Variants in DPYS observed in about 807,000 individuals in gnomAD.
The protein encoded by DPYS is dihydropyrimidinase.
DPYS carries 39 observed loss-of-function variants against 50.3 expected under a neutral mutation model. The ratio of observed to expected loss-of-function variants is 0.78; its 90% CI spans 0.60 to 1.01. The LOEUF is 1.01. Ranked by LOEUF, DPYS falls within the 50% of genes least tolerant of loss-of-function variation. DPYS has a pLI of 0.00. For synonymous variants in DPYS, 245 were observed against 250.7 expected (o/e 0.98, Z 0.22); for missense variants, 659 against 680.9 (o/e 0.97, Z 0.36).
At position 104,435,120 on chromosome 8, in the gene DPYS, C is replaced by T. The variant is rs146525784; in HGVS notation, c.794-5419G>A. 2.2e-3 allele frequency among the ~76,000 whole-genome samples: 330 copies of T among 152,236 alleles called. 1 individual carries two copies. Among genetic ancestry groups the T allele is most frequent in the African/African-American group, 7.4e-3 (308 of 41,548 alleles). On this transcript the variant is annotated intron_variant, in intron 4 of 9. Transcript: ENST00000351513. ...ATTTCCTAAAAAGCCATTAATGATC[C>T]CATATGCCAACACTGTGGCAGAAAA... is the stretch of plus-strand genomic sequence containing the variant.
At chr8:104,419,303 C>A (rs1163267262) in intron 7 of DPYS, among the ~76,000 whole-genome samples, 1 of 152,214 alleles carries the variant, frequency 6.6e-6, no homozygotes, top group African/African-American at 2.4e-5. Context: ...TCCTGCCAAT[C>A]TTCCATGCCG....
At chr8:104,405,785 A>T (rs1050083911) in intron 7 of DPYS, among the ~76,000 whole-genome samples, 1 of 152,138 alleles carries the variant, frequency 6.6e-6, no homozygotes, top group African/African-American at 2.4e-5. Flanking sequence ...CTCGAAACTG[A>T]CTCAGCTTCA....
intron 2 of DPYS, among the ~76,000 whole-genome samples, chr8:104,448,204 G>A (rs1171959234): frequency 2.0e-5 from 3 of 149,406 alleles, no homozygotes; most frequent in Non-Finnish European, 4.4e-5. Context: ...TGCCCAGGCT[G>A]GAGTGCAGTG....
intron 4 of DPYS, among the ~76,000 whole-genome samples, chr8:104,429,941 G>A (rs1812895596): frequency 6.6e-6 from 1 of 151,952 alleles, no homozygotes; most frequent in South Asian, 2.1e-4. Flanking sequence ...CATTTTTATG[G>A]CCATATAACC....
intron 7 of DPYS, among the ~76,000 whole-genome samples, chr8:104,407,923 C>A (rs1349030361): frequency 6.6e-6 from 1 of 151,932 alleles, no homozygotes; most frequent in Non-Finnish European, 1.5e-5. Flanking sequence ...GAACTATACA[C>A]AACCCTTTTC....
chr8:104,461,776 G>C (rs935951512), intron 1 of DPYS, among the ~76,000 whole-genome samples: 1 of 152,136 alleles, frequency 6.6e-6, no homozygotes, highest in South Asian at 2.1e-4. Context: ...GAATATGCAG[G>C]CTGGAGAGAG....
intron 7 of DPYS, among the ~76,000 whole-genome samples, chr8:104,405,590 C>G (rs1312426755): frequency 2.0e-5 from 3 of 152,184 alleles, no homozygotes; most frequent in African/African-American, 7.2e-5. Context: ...GAAGCTCAGC[C>G]TCAGGGTCCC....
intron 9 of DPYS, chr8:104,380,686 A>C (rs1313758739): frequency 1.3e-5 from 2 of 157,374 alleles, no homozygotes; most frequent in African/African-American, 4.8e-5. Context: ...TTATTCCCAA[A>C]ACTAACTGTG....
At chr8:104,451,882 C>T (rs1489217625) in intron 1 of DPYS, among the ~76,000 whole-genome samples, 1 of 152,066 alleles carries the variant, frequency 6.6e-6, no homozygotes, top group Non-Finnish European at 1.5e-5. Context: ...AAATGGTGAC[C>T]CCTTTATCTT....
At chr8:104,405,386 C>A (rs573630097) in intron 7 of DPYS, among the ~76,000 whole-genome samples, 2 of 152,350 alleles carry the variant, frequency 1.3e-5, no homozygotes, top group African/African-American at 4.8e-5. Context: ...TGTTCACCCC[C>A]TGCTCAAAGG....
chr8:104,401,701 G>T lies in DPYS; in HGVS notation c.1236-8710C>A, dbSNP rs146596910. On this transcript the variant is annotated intron_variant, in intron 7 of 9. Coordinates refer to ENST00000351513, the MANE Select transcript of DPYS (RefSeq NM_001385.3). Reference sequence around the variant, plus strand: ...CATTCTTGATGTAATCACCATAGAAGACTTTTTCTAAGTGTGTGTTCTGTC... The same window carrying T: ...CATTCTTGATGTAATCACCATAGAATACTTTTTCTAAGTGTGTGTTCTGTC... Among the ~76,000 whole-genome samples, 77 of 152,244 alleles carry T rather than the reference G, an allele frequency of 5.1e-4. 1 individual carries two copies. The highest frequency in any genetic ancestry group is 4.4e-3 in the East Asian group (23 of 5,182).
Position 104,444,370 on chromosome 8 carries a change from G to A in DPYS, c.671C>T (p.Ala224Val). Reference sequence around the variant, plus strand: ...TCTCAGCGTGGCCTCTGCCTCCACTGCCTCTGGGCGGCACAGCTCGTGGCC... The same window carrying A: ...TCTCAGCGTGGCCTCTGCCTCCACTACCTCTGGGCGGCACAGCTCGTGGCC... ...PEGHELCRPE[A>V]VEAEATLRAI... Residue 224 changes from alanine (A) to valine (V), a missense_variant, in exon 4 of 10, where the codon GCA (alanine) becomes GTA (valine). Ala to Val is a moderately conservative substitution (Grantham distance 64, BLOSUM62 0). Coordinates refer to ENST00000351513, the MANE Select transcript of DPYS (RefSeq NM_001385.3). 1 of 1,614,242 alleles carries A rather than the reference G, an allele frequency of 6.2e-7. No homozygotes were observed.
chr8:104,428,647 G>C (rs892167095), intron 5 of DPYS, among the ~76,000 whole-genome samples: 2 of 152,192 alleles, frequency 1.3e-5, no homozygotes, highest in South Asian at 2.1e-4. Flanking sequence ...TATTACCAGG[G>C]ACAGGAATCC....
chr8:104,425,184 T>C (rs935807281), intron 6 of DPYS, among the ~76,000 whole-genome samples: 6 of 151,950 alleles, frequency 3.9e-5, no homozygotes, highest in African/African-American at 1.2e-4. Flanking sequence ...AAGAATATTA[T>C]AGAGGATAGG....
In DPYS at chr8:104,418,726, C is replaced by A. The variant is rs550169548; in HGVS notation, c.1235+5521G>T. 1.4e-4 allele frequency: 21 copies of A among 152,450 alleles called. 1 individual carries two copies. The highest frequency in any genetic ancestry group is 1.3e-3 in the Admixed American group (20 of 15,300). The allele number at this position is 152,450 out of a possible 1,614,324, so 9.4% of individuals were successfully genotyped here. On this transcript the variant is annotated intron_variant, in intron 7 of 9. Transcript: ENST00000351513. ...ACGTTATCTACTCACCTCTCTCGTA[C>A]GATTTCATGTCGATGACTGCTCTAA... is the stretch of plus-strand genomic sequence containing the variant.
chr8:104,393,643 T>C (rs1333671224), intron 7 of DPYS, among the ~76,000 whole-genome samples: 1 of 152,216 alleles, frequency 6.6e-6, no homozygotes, highest in African/African-American at 2.4e-5. Flanking sequence ...TCATTCTCAG[T>C]AGTTTATTAA....
Position 104,466,702 on chromosome 8 carries a change from G to A in DPYS, c.219C>T (p.Pro73=), listed in dbSNP as rs1302170318. 1 of 1,532,696 alleles carries A rather than the reference G, an allele frequency of 6.5e-7. No homozygotes were observed. Among genetic ancestry groups the A allele is most frequent in the South Asian group, 1.2e-5 (1 of 82,976 alleles). The allele number at this position is 1,532,696 out of a possible 1,614,324, so 94.9% of individuals were successfully genotyped here. A position where few individuals can be genotyped will look rare whatever the true frequency, so the allele number is the denominator to read the frequency against. The change falls in exon 1 of 10, where the codon CCC becomes CCT. Residue 73 remains proline (P), a synonymous_variant. Coordinates refer to ENST00000351513, the MANE Select transcript of DPYS (RefSeq NM_001385.3). ...CGTCGATGGACCGCGAGCCCATGAAGGGGAACTGCATGTGCGTGTGTGTGT... is the reference window on the plus strand; with the variant it reads ...CGTCGATGGACCGCGAGCCCATGAAAGGGAACTGCATGTGCGTGTGTGTGT... ...GIDTHTHMQF[P]FMGSRSIDDF...
intron 1 of DPYS, among the ~76,000 whole-genome samples, chr8:104,459,371 A>G (rs1046812258): frequency 2.0e-5 from 3 of 152,186 alleles, no homozygotes; most frequent in Admixed American, 6.5e-5. Flanking sequence ...CAAAGTCCAG[A>G]CAGATTAGAG....
intron 7 of DPYS, among the ~76,000 whole-genome samples, chr8:104,413,733 G>A (rs1251019612): frequency 3.3e-5 from 5 of 152,194 alleles, no homozygotes; most frequent in Non-Finnish European, 7.3e-5. Flanking sequence ...TGTACAAGGT[G>A]TATTCAAGGA....
Sources: gnomAD v4.1 joint callset for allele counts (sites outside exome capture counted in the v4.1 genomes callset) on GRCh38, gnomAD v4.1.1 for gene constraint, MANE v1.5 for transcripts, NCBI Gene and HGNC (gene_info 2026-07-23, HGNC 2026-07-21) for gene names.